OPA1: variants seen among roughly 807,000 people sequenced by gnomAD.
The protein encoded by OPA1 is dynamin-like GTPase OPA1, mitochondrial.
OPA1 carries 59 observed loss-of-function variants against 152.9 expected under a neutral mutation model. That is an observed-to-expected ratio of 0.39 (90% confidence interval 0.31 to 0.48). The LOEUF (loss-of-function observed/expected upper bound fraction) is 0.48, where lower values mean the gene tolerates loss of function less well. Among genes scored for constraint, OPA1 ranks in the 20% least tolerant of loss-of-function variants. The probability of loss-of-function intolerance (pLI) is 0.96; values close to 1 mark genes in which losing one functional copy is unlikely to be tolerated. For synonymous variants in OPA1, 400 were observed against 389.9 expected (o/e 1.03, Z -0.31); for missense variants, 1,008 against 1,216.8 (o/e 0.83, Z 2.55).
intron 6 of OPA1, among the ~76,000 whole-genome samples, chr3:193,622,577 T>C (rs970073276): frequency 2.0e-5 from 3 of 152,178 alleles, no homozygotes; most frequent in African/African-American, 7.2e-5. Flanking sequence ...AGTATCTCTT[T>C]TCTTTTTTCC....
chr3:193,594,038 A>G (rs1473444452), intron 1 of OPA1, among the ~76,000 whole-genome samples: 2 of 151,902 alleles, frequency 1.3e-5, no homozygotes, highest in African/African-American at 2.4e-5. Flanking sequence ...TTTTTGATGC[A>G]AGGTCGTGAA....
chr3:193,605,408 A>T (rs578246486), intron 1 of OPA1, among the ~76,000 whole-genome samples: 1 of 152,296 alleles, frequency 6.6e-6, no homozygotes, highest in Admixed American at 6.5e-5. Flanking sequence ...TGTTTAATTA[A>T]ATCTTCTACA....
At position 193,642,184 on chromosome 3, in the gene OPA1, G is replaced by A. The variant is rs185571448; in HGVS notation, c.1150-581G>A. Among the ~76,000 whole-genome samples, 31 of 152,236 alleles carry A rather than the reference G, an allele frequency of 2.0e-4. 1 individual carries two copies. In the East Asian group the frequency reaches 4.6e-3, roughly 23 times the overall value. ...TATCACTCCTTGAGTGAAGCCTGTC[G>A]TAGCTCCCTTATCATCAGTTCCATT... On this transcript the variant is annotated intron_variant, in intron 11 of 30. Coordinates refer to ENST00000361510, the MANE Select transcript of OPA1 (RefSeq NM_130837.3).
chr3:193,685,688 C>T (rs1234310970), intron 29 of OPA1, among the ~76,000 whole-genome samples: 1 of 151,852 alleles, frequency 6.6e-6, no homozygotes, highest in Non-Finnish European at 1.5e-5. Context: ...TATGAAGCCC[C>T]ATGAGAATGA....
In OPA1 at chr3:193,631,594, A is replaced by G. The variant is rs757118934; in HGVS notation, c.790-18A>G. On this transcript the variant is annotated intron_variant, in intron 7 of 30. Coordinates refer to ENST00000361510, the MANE Select transcript of OPA1 (RefSeq NM_130837.3). ...ATAAACCTAATTCTATTCAACTAAA[A>G]TTATTTTAAACATTTAGGTGTCAGA... 13 of 1,587,988 alleles carry G rather than the reference A, an allele frequency of 8.2e-6. No homozygotes were observed. The highest frequency in any genetic ancestry group is 5.0e-5 in the Admixed American group (3 of 59,888).
intron 22 of OPA1, 152 bp downstream of exon 22, chr3:193,655,179 T>A: frequency 1.4e-6 from 1 of 725,502 alleles, no homozygotes. Context: ...GTTTTGGGAC[T>A]AACCTTAATG....
chr3:193,612,811 A>G lies in OPA1; in HGVS notation c.33-1912A>G, dbSNP rs192588842. Among the ~76,000 whole-genome samples the G allele has an allele frequency of 3.9e-3, 592 of 152,336 alleles. 11 individuals carry two copies. Among genetic ancestry groups the G allele is most frequent in the African/African-American group, 0.012 (493 of 41,574 alleles). On this transcript the variant is annotated intron_variant, in intron 1 of 30. Coordinates refer to ENST00000361510, the MANE Select transcript of OPA1 (RefSeq NM_130837.3). ...GGTCTGAGGCCTCTAACTGAATCCA[A>G]TCCAGTTAATTATCAAATCCAATTT...
At chr3:193,641,952 T>G (rs1733842880) in intron 11 of OPA1, among the ~76,000 whole-genome samples, 1 of 152,142 alleles carries the variant, frequency 6.6e-6, no homozygotes, top group South Asian at 2.1e-4. Flanking sequence ...CTGTCTCTAC[T>G]AAAAGTACAA....
At chr3:193,644,283 A>T in intron 16 of OPA1, 178 bp downstream of exon 16, 1 of 665,814 alleles carries the variant, frequency 1.5e-6, no homozygotes. Context: ...ATGAAGTCTG[A>T]AGGAAACCAG....
At chr3:193,598,955 T>C (rs1047917304) in intron 1 of OPA1, among the ~76,000 whole-genome samples, 1 of 152,196 alleles carries the variant, frequency 6.6e-6, no homozygotes, top group African/African-American at 2.4e-5. Flanking sequence ...TTGATATCCC[T>C]CTCTGTAAGT....
chr3:193,638,754 G>T (rs1332337795), intron 11 of OPA1, among the ~76,000 whole-genome samples: 1 of 152,120 alleles, frequency 6.6e-6, no homozygotes, highest in Non-Finnish European at 1.5e-5. Context: ...GACATTTTCA[G>T]CTATTGAAAA....
In OPA1 at chr3:193,634,183, G is replaced by A. The variant is rs1301347220; in HGVS notation, c.844-1235G>A. ...TGGGTTATTTTTAATAGTTTTCTCT[G>A]TGTTGTTAATGTTTAGAGAAGAAAT... On this transcript the variant is annotated intron_variant, in intron 8 of 30. Transcript: ENST00000361510. Among the ~76,000 whole-genome samples the A allele has an allele frequency of 2.6e-5, 4 of 151,780 alleles. No individual in the cohort carries two copies. The East Asian group carries it at 5.9e-4, about 22-fold the overall frequency.
intron 28 of OPA1, among the ~76,000 whole-genome samples, chr3:193,666,612 ACT>A (rs1490857149): frequency 6.6e-6 from 1 of 152,046 alleles, no homozygotes; most frequent in African/African-American, 2.4e-5. Context: ...ACATTGTGAG[ACT>A]CTATCTCTAC....
intron 18 of OPA1, 107 bp downstream of exon 18, chr3:193,645,907 G>T: frequency 1.1e-6 from 1 of 918,606 alleles, no homozygotes; most frequent in Non-Finnish European, 1.7e-6. Flanking sequence ...TTTAACATCG[G>T]ATTTCTAGAA....
At chr3:193,606,952 T>A (rs1440156257) in intron 1 of OPA1, among the ~76,000 whole-genome samples, 7 of 152,138 alleles carry the variant, frequency 4.6e-5, no homozygotes, top group Admixed American at 4.6e-4. Context: ...TTTTAATGAT[T>A]GCCATTCTAA....
chr3:193,644,136 A>AT, intron 16 of OPA1, 31 bp downstream of exon 16: 2 of 1,611,732 alleles, frequency 1.2e-6, no homozygotes, highest in African/African-American at 2.7e-5. Flanking sequence ...GCGAGAATAG[A>AT]TTCTTTGTAA....
At chr3:193,662,218 A>G (rs1301508563) in intron 25 of OPA1, among the ~76,000 whole-genome samples, 2 of 152,212 alleles carry the variant, frequency 1.3e-5, no homozygotes, top group African/African-American at 4.8e-5. Flanking sequence ...CCTTTGGTAA[A>G]GAGATTATGA....
At chr3:193,596,366 T>TTTTTTCC (rs1725557730) in intron 1 of OPA1, among the ~76,000 whole-genome samples, 1 of 26,246 alleles carries the variant, frequency 3.8e-5, no homozygotes, top group African/African-American at 2.2e-4. Flanking sequence ...CTTTTCTTAA[T>TTTTTTCC]TTTCTTTTCT....
intron 30 of OPA1, among the ~76,000 whole-genome samples, chr3:193,692,599 C>A (rs889986740): frequency 6.6e-6 from 1 of 152,094 alleles, no homozygotes; most frequent in Non-Finnish European, 1.5e-5. Context: ...AAGTGTTTTT[C>A]CTACTTAATT....
Sources: allele counts gnomAD v4.1 joint callset (sites outside exome capture counted in the v4.1 genomes callset), GRCh38; gene constraint gnomAD v4.1.1; transcripts MANE v1.5; gene names NCBI Gene and HGNC (gene_info 2026-07-23, HGNC 2026-07-21).